The following EYS variants were observed in gnomAD, a reference collection of about 807,000 sequenced individuals.
The protein encoded by EYS is protein eyes shut homolog.
EYS carries 250 observed loss-of-function variants against 282.1 expected under a neutral mutation model. The ratio of observed to expected loss-of-function variants is 0.89; its 90% CI spans 0.80 to 0.98. The LOEUF (loss-of-function observed/expected upper bound fraction) is 0.98. Ranked by LOEUF, EYS falls within the 50% of genes least tolerant of loss-of-function variation. The pLI, the probability that EYS is intolerant of heterozygous loss-of-function variation, is 0.00. For synonymous variants in EYS, 1,355 were observed against 1,282.9 expected (o/e 1.06, Z -1.20); for missense variants, 4,016 against 3,709.0 (o/e 1.08, Z -2.15).
rs569204205 is a variant in EYS, at chr6:64,073,761, T to C, written c.6572-7270A>G. On this transcript the variant is annotated intron_variant, in intron 32 of 42. Transcript: ENST00000503581. ...ATCAAGCAATGTGAATCTTTATATA[T>C]ATGTGTGTGTGTGTGCATATATATA... Among the ~76,000 whole-genome samples, 4 of 151,106 alleles carry C rather than the reference T, an allele frequency of 2.6e-5. No homozygotes were observed. In the South Asian group the frequency reaches 6.2e-4, roughly 23 times the overall value.
chr6:65,412,107 C>T (rs894639216), intron 5 of EYS, among the ~76,000 whole-genome samples: 2 of 152,088 alleles, frequency 1.3e-5, no homozygotes, highest in African/African-American at 4.8e-5. Flanking sequence ...CCTCTCTCAG[C>T]TCTTTACCAT....
Position 65,075,723 on chromosome 6 carries a change from G to C in EYS, c.2024-17996C>G, listed in dbSNP as rs201946515. Reference sequence around the variant, plus strand: ...ATAAATGCATAGTAAGGTAATATTTGAGTTTCTCACAGCCTAATATTTCTA... The same window carrying C: ...ATAAATGCATAGTAAGGTAATATTTCAGTTTCTCACAGCCTAATATTTCTA... On this transcript the variant is annotated intron_variant, in intron 12 of 42. Coordinates refer to ENST00000503581, the MANE Select transcript of EYS (RefSeq NM_001142800.2). Among the ~76,000 whole-genome samples, 31 of 151,786 alleles carry C rather than the reference G, an allele frequency of 2.0e-4. No homozygotes were observed. In the South Asian group the frequency reaches 2.5e-3, roughly 12 times the overall value.
chr6:63,859,086 T>G (rs913434731), intron 36 of EYS, among the ~76,000 whole-genome samples: 3 of 50,566 alleles, frequency 5.9e-5, no homozygotes, highest in Non-Finnish European at 1.5e-4. Flanking sequence ...TTTTTTTTTT[T>G]TTTTTTTTTT....
Position 65,478,233 on chromosome 6 carries a change from G to C in EYS, c.862+12361C>G, listed in dbSNP as rs967796580. 4.8e-4 allele frequency among the ~76,000 whole-genome samples: 73 copies of C among 150,718 alleles called. 2 individuals are homozygous for C. Among genetic ancestry groups the C allele is most frequent in the Admixed American group, 4.8e-3 (73 of 15,110 alleles). On this transcript the variant is annotated intron_variant, in intron 5 of 42. Coordinates refer to ENST00000503581, the MANE Select transcript of EYS (RefSeq NM_001142800.2). ...GAGAAAATATGAATGTATATGGCTT[G>C]TTTATGACACAATCACTAAGACTAG...
chr6:64,121,717 C>T (rs1773595106), intron 31 of EYS, among the ~76,000 whole-genome samples: 1 of 152,124 alleles, frequency 6.6e-6, no homozygotes, highest in South Asian at 2.1e-4. Flanking sequence ...TTTGACTCAT[C>T]CAAAACCAAT....
chr6:64,551,536 CT>C (rs34550861), intron 26 of EYS, among the ~76,000 whole-genome samples: 3,111 of 131,750 alleles, frequency 0.024, 73 homozygotes, highest in African/African-American at 0.073. Flanking sequence ...CAAGTGCATT[CT>C]TTTTTTTTTT....
At chr6:65,632,705 A>G (rs972627475) in intron 2 of EYS, among the ~76,000 whole-genome samples, 2 of 152,216 alleles carry the variant, frequency 1.3e-5, no homozygotes, top group Non-Finnish European at 2.9e-5. Context: ...ATAACTTATT[A>G]TGCTACTTGG....
chr6:64,240,980 G>T (rs528810095), intron 30 of EYS, among the ~76,000 whole-genome samples: 6 of 152,014 alleles, frequency 3.9e-5, no homozygotes, highest in Admixed American at 6.6e-5. Flanking sequence ...GAATTTTGTC[G>T]AAGGCCTTTT....
chr6:64,336,916 C>G (rs1770874074), intron 29 of EYS, among the ~76,000 whole-genome samples: 1 of 151,992 alleles, frequency 6.6e-6, no homozygotes, highest in Non-Finnish European at 1.5e-5. Context: ...TTTAAAAATT[C>G]TTCAAACTGA....
intron 15 of EYS, among the ~76,000 whole-genome samples, chr6:64,916,966 C>T (rs528211842): frequency 6.6e-6 from 1 of 152,138 alleles, no homozygotes; most frequent in Admixed American, 6.6e-5. Flanking sequence ...AGAAATACTA[C>T]TCATTAAGGT....
intron 26 of EYS, among the ~76,000 whole-genome samples, chr6:64,490,171 T>C (rs947608721): frequency 9.9e-5 from 15 of 150,840 alleles, no homozygotes; most frequent in Admixed American, 4.0e-4. Context: ...TCAGACCGAA[T>C]TGCAATGTAG....
chr6:64,724,771 G>A (rs898545739), intron 22 of EYS, among the ~76,000 whole-genome samples: 6 of 152,258 alleles, frequency 3.9e-5, no homozygotes, highest in Middle Eastern at 3.4e-3. Context: ...AATAGCATTT[G>A]TGAGTCAATA....
Position 65,259,571 on chromosome 6 carries a change from ATGT to A in EYS, c.2023+36289_2023+36291del, listed in dbSNP as rs758593816. Among the ~76,000 whole-genome samples the A allele has an allele frequency of 4.6e-5, 7 of 152,114 alleles. No homozygotes were observed. The East Asian group carries it at 7.7e-4, about 17-fold the overall frequency. ...AGAATTACAACATTAAATAGATGAA[ATGT>A]TGTATTTCAGATGAAAAATTTATCT... is the stretch of plus-strand genomic sequence containing the variant. On this transcript the variant is annotated intron_variant, in intron 12 of 42. Coordinates refer to ENST00000503581, the MANE Select transcript of EYS (RefSeq NM_001142800.2).
chr6:65,613,800 CATAAT>C (rs1182291766), intron 2 of EYS, among the ~76,000 whole-genome samples: 1 of 151,832 alleles, frequency 6.6e-6, no homozygotes, highest in Non-Finnish European at 1.5e-5. Context: ...TCGGTCTTCA[CATAAT>C]ATATGTTTTC....
chr6:65,310,779 C>T (rs889610396), intron 11 of EYS, among the ~76,000 whole-genome samples: 2 of 152,094 alleles, frequency 1.3e-5, no homozygotes, highest in African/African-American at 4.8e-5. Context: ...ATATAAGCTC[C>T]ATGTCTAACT....
chr6:65,095,668 C>A (rs1205649918), intron 12 of EYS, among the ~76,000 whole-genome samples: 2 of 150,892 alleles, frequency 1.3e-5, no homozygotes, highest in Admixed American at 6.6e-5. Context: ...AACATTAATT[C>A]TTTTCGTTAA....
intron 14 of EYS, among the ~76,000 whole-genome samples, chr6:64,956,931 C>A (rs561448464): frequency 6.6e-6 from 1 of 151,958 alleles, no homozygotes; most frequent in South Asian, 2.1e-4. Context: ...CAACAAATGC[C>A]GGTGAAGATG....
At chr6:64,096,904 T>C (rs958389286) in intron 31 of EYS, among the ~76,000 whole-genome samples, 3 of 152,370 alleles carry the variant, frequency 2.0e-5, no homozygotes, top group Admixed American at 2.0e-4. Flanking sequence ...TGGTGTTTGA[T>C]GATGGTGACG....
At chr6:65,126,435 G>A (rs978621769) in intron 12 of EYS, among the ~76,000 whole-genome samples, 2 of 152,140 alleles carry the variant, frequency 1.3e-5, no homozygotes, top group African/African-American at 4.8e-5. Flanking sequence ...TTGATTTAGA[G>A]ATGGATCCTA....
Sources: gnomAD v4.1 joint callset for allele counts (sites outside exome capture counted in the v4.1 genomes callset) on GRCh38, gnomAD v4.1.1 for gene constraint, MANE v1.5 for transcripts, NCBI Gene and HGNC (gene_info 2026-07-23, HGNC 2026-07-21) for gene names.